Variants in TTBK2 observed in about 807,000 individuals in gnomAD.
The protein encoded by TTBK2 is tau-tubulin kinase 2.
In TTBK2, 28 loss-of-function variants were observed where a neutral mutation model predicts 110.8. The observed-to-expected ratio is 0.25, with a 90% CI of 0.19 to 0.35. The LOEUF (loss-of-function observed/expected upper bound fraction) is 0.35, where lower values mean the gene tolerates loss of function less well. Among genes scored for constraint, TTBK2 ranks in the 10% least tolerant of loss-of-function variants. The pLI, the probability that TTBK2 is intolerant of heterozygous loss-of-function variation, is 1.00. For synonymous variants in TTBK2, 532 were observed against 527.3 expected, an observed-to-expected ratio of 1.01 and a Z score of -0.12; for missense variants, 1,369 against 1,500.3, an observed-to-expected ratio of 0.91 and a Z score of 1.45.
At chr15:42,763,157 CATATAT>C (rs1567008803) in intron 13 of TTBK2, among the ~76,000 whole-genome samples, 540 of 20,458 alleles carry the variant, frequency 0.026, 8 homozygotes, top group Middle Eastern at 0.062. Context: ...TATATATATA[CATATAT>C]ATATATATAT....
chr15:42,748,713 C>G (rs1363059003), intron 14 of TTBK2, among the ~76,000 whole-genome samples: 1 of 152,098 alleles, frequency 6.6e-6, no homozygotes, highest in Non-Finnish European at 1.5e-5. Flanking sequence ...ACATTTGGCC[C>G]TGGAAAGCAC....
At chr15:42,865,509 AT>A (rs1229129338) in intron 3 of TTBK2, among the ~76,000 whole-genome samples, 11 of 121,416 alleles carry the variant, frequency 9.1e-5, no homozygotes, top group African/African-American at 5.1e-4. Flanking sequence ...AAAAATAATA[AT>A]ACTAAAAAAA....
chr15:42,831,320 T>C (rs746241222), intron 4 of TTBK2, among the ~76,000 whole-genome samples: 2 of 152,142 alleles, frequency 1.3e-5, no homozygotes, highest in Non-Finnish European at 2.9e-5. Flanking sequence ...CTCAGCCTCC[T>C]GACATGCTGG....
intron 14 of TTBK2, among the ~76,000 whole-genome samples, chr15:42,751,301 A>G (rs191359485): frequency 1.4e-4 from 22 of 152,364 alleles, no homozygotes; most frequent in African/African-American, 4.8e-4. Context: ...AGGAGTGGGG[A>G]TGGAGACTGA....
intron 9 of TTBK2, among the ~76,000 whole-genome samples, chr15:42,806,431 A>T (rs1029287908): frequency 1.3e-5 from 2 of 152,236 alleles, no homozygotes; most frequent in Admixed American, 1.3e-4. Flanking sequence ...TTGGATCACC[A>T]TGCTCCTGTT....
intron 11 of TTBK2, among the ~76,000 whole-genome samples, chr15:42,780,918 C>G (rs193271515): frequency 6.6e-6 from 1 of 152,240 alleles, no homozygotes; most frequent in African/African-American, 2.4e-5. Flanking sequence ...GAGCCGAGAT[C>G]ATGTCACTGC....
chr15:42,816,080 A>AC lies in TTBK2; in HGVS notation c.603+951_603+952insG, dbSNP rs1567040746. Among the ~76,000 whole-genome samples the AC allele has an allele frequency of 5.8e-3, 387 of 66,586 alleles. 2 individuals carry two copies. The highest frequency in any genetic ancestry group is 8.1e-3 in the Non-Finnish European group (339 of 42,076). 43.7% of individuals were successfully genotyped at this position (66,586 alleles called of 152,430 possible). On this transcript the variant is annotated intron_variant, in intron 7 of 14. Transcript: ENST00000267890. The stretch of plus-strand genomic sequence containing the variant: ...AAAATATATATATATAAAAATAAAT[A>AC]AATAAATATATATATATATATATAT...
In TTBK2 at chr15:42,866,414, A is replaced by G. The variant is rs72713798; in HGVS notation, c.217+6197T>C. ...ATCTAACAACAGAGCTTCAAACTACATGAGGTAAAAAACAATAGAACTGTA... is the reference window on the plus strand; with the variant it reads ...ATCTAACAACAGAGCTTCAAACTACGTGAGGTAAAAAACAATAGAACTGTA... On this transcript the variant is annotated intron_variant, in intron 3 of 14. Coordinates refer to ENST00000267890, the MANE Select transcript of TTBK2 (RefSeq NM_173500.4). Among the ~76,000 whole-genome samples, 1,063 of 152,328 alleles carry G rather than the reference A, an allele frequency of 7.0e-3. 7 individuals carry two copies. Among genetic ancestry groups the G allele is most frequent in the Non-Finnish European group, 0.011 (732 of 68,032 alleles).
At position 42,872,765 on chromosome 15, in the gene TTBK2, A is replaced by G. The variant is rs751648312; in HGVS notation, c.70-7T>C. On this transcript the variant is annotated splice_polypyrimidine_tract_variant and splice_region_variant and intron_variant, in intron 2 of 14. Coordinates refer to ENST00000267890, the MANE Select transcript of TTBK2 (RefSeq NM_173500.4). Reference sequence around the variant, plus strand: ...CACCCCCAATCTTTCTCAACTGCACAGAAAATAAGAACACACACACTCTAA... The same window carrying G: ...CACCCCCAATCTTTCTCAACTGCACGGAAAATAAGAACACACACACTCTAA... 1 of 1,613,974 alleles carries G rather than the reference A, an allele frequency of 6.2e-7. No individual in the cohort carries two copies.
intron 4 of TTBK2, among the ~76,000 whole-genome samples, chr15:42,835,294 T>C (rs1892943067): frequency 6.6e-6 from 1 of 152,158 alleles, no homozygotes; most frequent in African/African-American, 2.4e-5. Flanking sequence ...GACAACCAGA[T>C]ACTGCCTCCT....
At chr15:42,767,560 A>T (rs1467034020) in intron 13 of TTBK2, among the ~76,000 whole-genome samples, 1 of 152,222 alleles carries the variant, frequency 6.6e-6, no homozygotes, top group Non-Finnish European at 1.5e-5. Flanking sequence ...AGACTAAACC[A>T]GGAAGAAGTT....
chr15:42,820,458 C>T (rs1279010281), intron 6 of TTBK2, among the ~76,000 whole-genome samples: 1 of 152,148 alleles, frequency 6.6e-6, no homozygotes, highest in African/African-American at 2.4e-5. Flanking sequence ...ATTGATGGCA[C>T]TTCAGCAATA....
At chr15:42,819,822 T>C (rs1315291445) in intron 6 of TTBK2, among the ~76,000 whole-genome samples, 2 of 152,262 alleles carry the variant, frequency 1.3e-5, no homozygotes, top group Admixed American at 1.3e-4. Context: ...GTTGTACTTT[T>C]ATTCATTACC....
At chr15:42,748,226 G>A (rs1384004838) in intron 14 of TTBK2, among the ~76,000 whole-genome samples, 2 of 152,146 alleles carry the variant, frequency 1.3e-5, no homozygotes, top group East Asian at 1.9e-4. Context: ...GGGGGTTGAG[G>A]TGGGTGGATA....
At chr15:42,874,216 G>A (rs1230482932) in intron 2 of TTBK2, among the ~76,000 whole-genome samples, 1 of 151,984 alleles carries the variant, frequency 6.6e-6, no homozygotes, top group Non-Finnish European at 1.5e-5. Context: ...ATTTCCTTGT[G>A]TCCCCCATAG....
chr15:42,853,699 A>T (rs1425864095), intron 3 of TTBK2, among the ~76,000 whole-genome samples: 1 of 152,100 alleles, frequency 6.6e-6, no homozygotes, highest in Non-Finnish European at 1.5e-5. Context: ...AATATAACCA[A>T]CATCGTCAGA....
intron 1 of TTBK2, among the ~76,000 whole-genome samples, chr15:42,912,533 A>G (rs2030826782): frequency 6.6e-6 from 1 of 151,874 alleles, no homozygotes; most frequent in African/African-American, 2.4e-5. Context: ...ACATGATGAA[A>G]CCCCATCTCT....
intron 1 of TTBK2, among the ~76,000 whole-genome samples, chr15:42,888,157 C>T (rs1895317288): frequency 6.6e-6 from 1 of 152,030 alleles, no homozygotes. Flanking sequence ...TTTTAGAGGC[C>T]CTCAAAATCA....
intron 10 of TTBK2, among the ~76,000 whole-genome samples, chr15:42,792,931 C>T (rs1452454718): frequency 6.6e-6 from 1 of 152,038 alleles, no homozygotes; most frequent in Non-Finnish European, 1.5e-5. Context: ...TCTTTAGGTC[C>T]CTGAAGTGCT....
Sources: allele counts gnomAD v4.1 joint callset (sites outside exome capture counted in the v4.1 genomes callset), GRCh38; gene constraint gnomAD v4.1.1; transcripts MANE v1.5; gene names NCBI Gene and HGNC (gene_info 2026-07-23, HGNC 2026-07-21).